The following EVI5 variants were observed in gnomAD, a reference collection of about 807,000 sequenced individuals.
The protein encoded by EVI5 is ecotropic viral integration site 5.
Under a neutral mutation model 112.0 loss-of-function variants are expected in EVI5, and 73 were observed. The ratio of observed to expected loss-of-function variants is 0.65; its 90% confidence interval spans 0.54 to 0.79. The LOEUF (loss-of-function observed/expected upper bound fraction) is 0.79, where lower values mean the gene tolerates loss of function less well. Among genes scored for constraint, EVI5 ranks in the 30% least tolerant of loss-of-function variants. The probability of loss-of-function intolerance (pLI) is 0.00; values close to 1 mark genes in which losing one functional copy is unlikely to be tolerated. For missense variants in EVI5, 900 were observed against 968.8 expected (o/e 0.93, Z 0.94); for synonymous variants, 305 against 319.9 (o/e 0.95, Z 0.50).
chr1:92,517,409 A>G (rs1396703561), intron 19 of EVI5, among the ~76,000 whole-genome samples: 2 of 152,192 alleles, frequency 1.3e-5, no homozygotes, highest in Non-Finnish European at 2.9e-5. Context: ...CCAATCCCCC[A>G]TAGATACCAA....
At chr1:92,711,272 C>T (rs1420307733) in intron 2 of EVI5, among the ~76,000 whole-genome samples, 3 of 152,062 alleles carry the variant, frequency 2.0e-5, no homozygotes, top group Non-Finnish European at 4.4e-5. Flanking sequence ...GCAAGGTGAA[C>T]GCCACAAACA....
chr1:92,715,742 G>A (rs977287450), intron 2 of EVI5, among the ~76,000 whole-genome samples: 2 of 152,128 alleles, frequency 1.3e-5, no homozygotes, highest in Non-Finnish European at 2.9e-5. Flanking sequence ...CTGGAAAAAC[G>A]GGACACTCCT....
intron 19 of EVI5, among the ~76,000 whole-genome samples, chr1:92,517,390 G>T (rs1358888322): frequency 6.6e-6 from 1 of 152,146 alleles, no homozygotes; most frequent in African/African-American, 2.4e-5. Flanking sequence ...TATCCATAGG[G>T]ATCCGAAACC....
chr1:92,751,651 G>C (rs560210267), intron 1 of EVI5, among the ~76,000 whole-genome samples: 1 of 149,374 alleles, frequency 6.7e-6, no homozygotes, highest in Non-Finnish European at 1.5e-5. Context: ...TTGAGACACT[G>C]CATATGTGAA....
chr1:92,564,969 A>G (rs1247300040), intron 18 of EVI5, among the ~76,000 whole-genome samples: 1 of 152,172 alleles, frequency 6.6e-6, no homozygotes, highest in Non-Finnish European at 1.5e-5. Context: ...GTGAGCCACC[A>G]TGCCTGGCCT....
intron 2 of EVI5, among the ~76,000 whole-genome samples, chr1:92,735,727 T>C (rs1393451668): frequency 7.0e-6 from 1 of 142,668 alleles, no homozygotes; most frequent in African/African-American, 2.5e-5. Flanking sequence ...TTATATATAA[T>C]ATAATATAAT....
intron 16 of EVI5, among the ~76,000 whole-genome samples, chr1:92,614,843 TA>T (rs1292103339): frequency 8.9e-4 from 2 of 2,242 alleles, no homozygotes; most frequent in Non-Finnish European, 1.5e-3. Context: ...TTATATTTTA[TA>T]TATATATATA....
chr1:92,736,522 A>ATGGACT lies in EVI5; in HGVS notation c.19_24dup (p.Pro8_Ser9dup). ...GAGGATGTGGTATGTAATGAAGTAG[A>ATGGACT]TGGACTTGCCACCTGACTGGCCATC... is the stretch of plus-strand genomic sequence containing the variant. On this transcript the variant is annotated inframe_insertion, in exon 2 of 20. Transcript: ENST00000684568. 2 of 1,613,900 alleles carry ATGGACT rather than the reference A, an allele frequency of 1.2e-6. No homozygotes were observed. The highest frequency in any genetic ancestry group is 1.7e-6 in the Non-Finnish European group (2 of 1,179,796).
At chr1:92,530,522 A>C (rs1381673523) in intron 19 of EVI5, among the ~76,000 whole-genome samples, 1 of 152,062 alleles carries the variant, frequency 6.6e-6, no homozygotes. Flanking sequence ...GCCAACAGAC[A>C]CCTCATACAA....
At chr1:92,726,652 A>G (rs1490863808) in intron 2 of EVI5, among the ~76,000 whole-genome samples, 1 of 152,220 alleles carries the variant, frequency 6.6e-6, no homozygotes, top group Admixed American at 6.5e-5. Context: ...CTAAATAGGT[A>G]AACACATAAA....
rs1664825748 is a variant in EVI5, at chr1:92,666,010, G to C, written c.1159-18C>G. On this transcript the variant is annotated intron_variant, in intron 10 of 19. Transcript: ENST00000684568. ...CGTAACCTCTGCCAAGAAAAAAAAA[G>C]TTTTATTTGCAAGCATTTTTGAGAG... The C allele has an allele frequency of 6.4e-7, 1 of 1,555,262 alleles. No individual in the cohort carries two copies. The highest frequency in any genetic ancestry group is 8.7e-7 in the Non-Finnish European group (1 of 1,144,246).
At chr1:92,648,190 C>CAAAAA (rs961901260) in intron 13 of EVI5, among the ~76,000 whole-genome samples, 36 of 24,078 alleles carry the variant, frequency 1.5e-3, no homozygotes, top group Non-Finnish European at 2.2e-3. Context: ...ACTAAAAATA[C>CAAAAA]AAAAAAAAAA....
At chr1:92,634,532 G>T (rs1460125561) in intron 14 of EVI5, among the ~76,000 whole-genome samples, 1 of 152,072 alleles carries the variant, frequency 6.6e-6, no homozygotes, top group Non-Finnish European at 1.5e-5. Flanking sequence ...AGCTCCATCA[G>T]GTCCTTTAAG....
At chr1:92,576,270 A>T (rs1484149099) in intron 18 of EVI5, among the ~76,000 whole-genome samples, 1 of 152,224 alleles carries the variant, frequency 6.6e-6, no homozygotes, top group African/African-American at 2.4e-5. Context: ...GTTAACATAC[A>T]TATTTTGTAT....
chr1:92,641,273 T>C (rs1413663970), intron 13 of EVI5, among the ~76,000 whole-genome samples: 3 of 152,220 alleles, frequency 2.0e-5, no homozygotes, highest in African/African-American at 2.4e-5. Flanking sequence ...TGGAGACAGT[T>C]TGACTGACTT....
chr1:92,703,844 A>G (rs890498116), intron 3 of EVI5: 28 of 360,014 alleles, frequency 7.8e-5, no homozygotes, highest in Admixed American at 2.7e-4. Flanking sequence ...ATTTCACCTC[A>G]GTGTGTGACC....
intron 13 of EVI5, among the ~76,000 whole-genome samples, chr1:92,642,417 GTATAGT>G (rs1660165996): frequency 1.3e-5 from 2 of 152,076 alleles, no homozygotes; most frequent in South Asian, 4.2e-4. Flanking sequence ...AGATTTATAG[GTATAGT>G]GACCAAAAGT....
intron 18 of EVI5, among the ~76,000 whole-genome samples, chr1:92,600,727 G>T (rs140543912): frequency 2.0e-5 from 3 of 152,196 alleles, no homozygotes; most frequent in Non-Finnish European, 4.4e-5. Flanking sequence ...TGATGCCACT[G>T]ATCTGACAGG....
At chr1:92,551,453 G>C (rs1666925972) in intron 19 of EVI5, among the ~76,000 whole-genome samples, 1 of 152,002 alleles carries the variant, frequency 6.6e-6, no homozygotes, top group South Asian at 2.1e-4. Flanking sequence ...TGAATGAATG[G>C]AAAAAAATTT....
Sources: allele counts gnomAD v4.1 joint callset (sites outside exome capture counted in the v4.1 genomes callset), GRCh38; gene constraint gnomAD v4.1.1; transcripts MANE v1.5; gene names NCBI Gene and HGNC (gene_info 2026-07-23, HGNC 2026-07-21).